IDE: variants seen among roughly 807,000 people sequenced by gnomAD.
IDE encodes insulin degrading enzyme.
Under a neutral mutation model 133.2 loss-of-function variants are expected in IDE, and 58 were observed. The observed-to-expected ratio is 0.44, with a 90% confidence interval of 0.35 to 0.54. IDE has a LOEUF of 0.54. IDE is among the 20% of genes least tolerant of loss of function. The probability of loss-of-function intolerance (pLI) is 0.00; values close to 1 mark genes in which losing one functional copy is unlikely to be tolerated. For missense variants in IDE, 981 were observed against 1,234.0 expected, an observed-to-expected ratio of 0.79 and a Z score of 3.07; for synonymous variants, 396 against 421.3, an observed-to-expected ratio of 0.94 and a Z score of 0.73.
chr10:92,460,427 G>A (rs1315817303), intron 22 of IDE, among the ~76,000 whole-genome samples: 1 of 152,078 alleles, frequency 6.6e-6, no homozygotes, highest in Non-Finnish European at 1.5e-5. Flanking sequence ...GAGTAGGGTG[G>A]AGAACAGAGA....
intron 14 of IDE, among the ~76,000 whole-genome samples, chr10:92,482,738 G>GA (rs5786998): frequency 3.4e-4 from 48 of 140,184 alleles, no homozygotes; most frequent in South Asian, 6.7e-4. Context: ...AATGGGGAAA[G>GA]AAAAAAAAAA....
chr10:92,568,210 G>A (rs969238122), intron 1 of IDE, among the ~76,000 whole-genome samples: 2 of 152,120 alleles, frequency 1.3e-5, no homozygotes, highest in African/African-American at 4.8e-5. Flanking sequence ...GAAATTTGAG[G>A]GAGAGGTTCT....
At chr10:92,485,274 C>T (rs982421617) in intron 13 of IDE, among the ~76,000 whole-genome samples, 11 of 151,862 alleles carry the variant, frequency 7.2e-5, no homozygotes, top group African/African-American at 2.4e-4. Context: ...ATAAGGCACG[C>T]GCCACCACGC....
chr10:92,465,927 C>G, intron 19 of IDE, 84 bp from the exon 20 acceptor site: 1 of 1,131,218 alleles, frequency 8.8e-7, no homozygotes, highest in Non-Finnish European at 1.3e-6. Context: ...CCCACACTTA[C>G]AGATGATAAT....
rs191842538 is a variant in IDE at position 92,521,055 on chromosome 10, A to C, written c.662-6013T>G. Reference sequence around the variant, plus strand: ...AAAATTGGTAAATAAATGGAATGGAATAAAAGCATTTATCCTGCCTTTCCC... The same window carrying C: ...AAAATTGGTAAATAAATGGAATGGACTAAAAGCATTTATCCTGCCTTTCCC... On this transcript the variant is annotated intron_variant, in intron 4 of 24. Coordinates refer to ENST00000265986, the MANE Select transcript of IDE (RefSeq NM_004969.4). Among the ~76,000 whole-genome samples, 202 of 152,350 alleles carry C rather than the reference A, an allele frequency of 1.3e-3. 1 individual carries two copies. Among genetic ancestry groups the C allele is most frequent in the Non-Finnish European group, 4.3e-4 (29 of 68,036 alleles).
chr10:92,478,575 A>C, intron 15 of IDE: 5 of 909,702 alleles, frequency 5.5e-6, no homozygotes, highest in Non-Finnish European at 6.8e-6. Context: ...TGCGAAGTTA[A>C]TAGTTTTCCC....
intron 15 of IDE, among the ~76,000 whole-genome samples, chr10:92,477,875 A>C (rs1272157880): frequency 6.6e-6 from 1 of 152,240 alleles, no homozygotes; most frequent in African/African-American, 2.4e-5. Flanking sequence ...AAACATTCTT[A>C]TACATTAAAC....
At chr10:92,471,483 T>G (rs1193203767) in intron 17 of IDE, among the ~76,000 whole-genome samples, 1 of 152,230 alleles carries the variant, frequency 6.6e-6, no homozygotes, top group Non-Finnish European at 1.5e-5. Flanking sequence ...GCTAGTAAAT[T>G]GCAGAGCTGG....
intron 4 of IDE, among the ~76,000 whole-genome samples, chr10:92,518,684 A>G (rs1431017202): frequency 6.6e-6 from 1 of 152,248 alleles, no homozygotes; most frequent in Non-Finnish European, 1.5e-5. Flanking sequence ...ACAGTCATTC[A>G]ATGAATTTTT....
At chr10:92,573,460 A>G (rs1224668521) in intron 1 of IDE, among the ~76,000 whole-genome samples, 1 of 152,182 alleles carries the variant, frequency 6.6e-6, no homozygotes, top group Non-Finnish European at 1.5e-5. Context: ...GTGCCCGGAG[A>G]AAAGGGCAGG....
At chr10:92,462,234 C>T (rs552176308) in intron 21 of IDE, among the ~76,000 whole-genome samples, 1 of 151,344 alleles carries the variant, frequency 6.6e-6, no homozygotes, top group Admixed American at 6.6e-5. Flanking sequence ...ATGAGAATCA[C>T]CTGAACCTGG....
At chr10:92,552,962 A>G (rs1156451547) in intron 1 of IDE, among the ~76,000 whole-genome samples, 1 of 151,944 alleles carries the variant, frequency 6.6e-6, no homozygotes, top group East Asian at 1.9e-4. Flanking sequence ...GTAAAACAAT[A>G]CTCTAAAAAA....
chr10:92,498,161 T>G (rs528267396), intron 11 of IDE, among the ~76,000 whole-genome samples: 1 of 152,334 alleles, frequency 6.6e-6, no homozygotes, highest in African/African-American at 2.4e-5. Flanking sequence ...TTCATGACAT[T>G]ATATAAAGTT....
At chr10:92,473,109 A>T (rs1846059411) in intron 17 of IDE, among the ~76,000 whole-genome samples, 1 of 147,450 alleles carries the variant, frequency 6.8e-6, no homozygotes, top group Non-Finnish European at 1.5e-5. Flanking sequence ...CGCCCGGCTA[A>T]TTTTTTGTAT....
At chr10:92,461,132 T>C (rs1845363272) in intron 22 of IDE, 59 bp downstream of exon 22, 1 of 835,662 alleles carries the variant, frequency 1.2e-6, no homozygotes, top group Non-Finnish European at 2.0e-6. Context: ...TAGGCCGCCA[T>C]ACCCAGCCCT....
At chr10:92,485,144 T>TG (rs1846907294) in intron 13 of IDE, among the ~76,000 whole-genome samples, 4 of 111,424 alleles carry the variant, frequency 3.6e-5, no homozygotes, top group South Asian at 3.3e-4. Flanking sequence ...TTTTTTTTTT[T>TG]GTGACAGAGT....
intron 3 of IDE, 130 bp from the exon 4 acceptor site, chr10:92,532,047 T>A (rs562537712): frequency 5.6e-6 from 3 of 539,430 alleles, no homozygotes; most frequent in Non-Finnish European, 9.2e-6. Flanking sequence ...CTACCATTGC[T>A]ACTAAGAAAA....
At chr10:92,513,419 C>A in intron 5 of IDE, among the ~76,000 whole-genome samples, 1 of 152,200 alleles carries the variant, frequency 6.6e-6, no homozygotes. Flanking sequence ...TCTCAAACTC[C>A]TGACCACAAG....
chr10:92,531,691 A>T, intron 4 of IDE, 57 bp downstream of exon 4: 1 of 858,522 alleles, frequency 1.2e-6, no homozygotes, highest in Non-Finnish European at 1.7e-6. Context: ...ATAAAATATA[A>T]TACTATGCAG....
Sources: allele counts gnomAD v4.1 joint callset (sites outside exome capture counted in the v4.1 genomes callset), GRCh38; gene constraint gnomAD v4.1.1; transcripts MANE v1.5; gene names NCBI Gene and HGNC (gene_info 2026-07-23, HGNC 2026-07-21).